The following CLDN16 variants were observed in gnomAD, a reference collection of about 807,000 sequenced individuals.
CLDN16 encodes the protein claudin-16.
A neutral mutation model predicts 24.6 loss-of-function variants in CLDN16; 13 were observed. The observed-to-expected ratio is 0.53, with a 90% CI of 0.34 to 0.84. The LOEUF (loss-of-function observed/expected upper bound fraction) is 0.84, where lower values mean the gene tolerates loss of function less well. Among genes scored for constraint, CLDN16 ranks in the 40% least tolerant of loss-of-function variants. The pLI is 0.01. For synonymous variants in CLDN16, 116 were observed against 106.7 expected, an observed-to-expected ratio of 1.09 and a Z score of -0.54; for missense variants, 298 against 292.7, an observed-to-expected ratio of 1.02 and a Z score of -0.13.
chr3:190,314,321 T>A, the CLDN16 span, among the ~76,000 whole-genome samples: 1 of 152,190 alleles, frequency 6.6e-6, no homozygotes, highest in African/African-American at 2.4e-5. Flanking sequence ...TTTCTAAAAC[T>A]TCATTAAATC....
chr3:190,383,336 C>T (rs1291882826), upstream of CLDN16, among the ~76,000 whole-genome samples: 1 of 152,138 alleles, frequency 6.6e-6, no homozygotes, highest in Non-Finnish European at 1.5e-5. Flanking sequence ...AACAAGGCTT[C>T]AGTTCATCTG....
intron 1 of CLDN16, among the ~76,000 whole-genome samples, chr3:190,338,050 A>G (rs1160098562): frequency 1.3e-5 from 2 of 152,186 alleles, no homozygotes; most frequent in African/African-American, 4.8e-5. Context: ...ACCAACAGCC[A>G]TTACATGGTG....
chr3:190,328,982 A>T (rs1021594119), intron 1 of CLDN16, among the ~76,000 whole-genome samples: 19 of 152,174 alleles, frequency 1.2e-4, no homozygotes, highest in African/African-American at 4.1e-4. Flanking sequence ...ATTTGGTGCA[A>T]CATATGCATA....
intron 1 of CLDN16, among the ~76,000 whole-genome samples, chr3:190,342,050 G>C (rs114498414): frequency 0.039 from 5,953 of 152,206 alleles, 383 homozygotes; most frequent in African/African-American, 0.13. Flanking sequence ...AGCCATTCAA[G>C]AAATCTCCAG....
chr3:190,364,736 G>GCTGCCAGT (rs1468111788), intron 1 of CLDN16, among the ~76,000 whole-genome samples: 1 of 151,782 alleles, frequency 6.6e-6, no homozygotes, highest in African/African-American at 2.4e-5. Context: ...TCCACTCAAA[G>GCTGCCAGT]CTGCCAGTCT....
intron 1 of CLDN16, among the ~76,000 whole-genome samples, chr3:190,366,391 C>G (rs142767168): frequency 6.6e-6 from 1 of 152,006 alleles, no homozygotes; most frequent in African/African-American, 2.4e-5. Context: ...ACAGGGTCTT[C>G]ATTTCCAGCT....
chr3:190,333,212 G>A (rs900033552), intron 1 of CLDN16, among the ~76,000 whole-genome samples: 6 of 152,192 alleles, frequency 3.9e-5, no homozygotes, highest in African/African-American at 1.2e-4. Flanking sequence ...ATAAAATTAG[G>A]TAATTTCATT....
chr3:190,334,943 C>T (rs1487845700), intron 1 of CLDN16, among the ~76,000 whole-genome samples: 2 of 151,754 alleles, frequency 1.3e-5, no homozygotes, highest in African/African-American at 4.8e-5. Flanking sequence ...CTCCAGAGCT[C>T]GTTGTGGGTT....
chr3:190,400,348 C>G (rs1224224029), intron 1 of CLDN16, among the ~76,000 whole-genome samples: 1 of 152,016 alleles, frequency 6.6e-6, no homozygotes, highest in African/African-American at 2.4e-5. Flanking sequence ...AAGCGATGCT[C>G]CTGCCTCCCG....
At chr3:190,313,217 A>G in the CLDN16 span, 1 of 615,512 alleles carries the variant, frequency 1.6e-6, no homozygotes, top group Non-Finnish European at 2.8e-6. Flanking sequence ...CTCCAGAAAA[A>G]CAAATGCCAG....
intron 1 of CLDN16, among the ~76,000 whole-genome samples, chr3:190,352,110 A>G (rs1717682593): frequency 1.3e-5 from 2 of 151,830 alleles, no homozygotes; most frequent in South Asian, 4.1e-4. Flanking sequence ...TCTAAATATT[A>G]TTTGTCTGAA....
upstream of CLDN16, among the ~76,000 whole-genome samples, chr3:190,383,791 TACAC>T (rs1473097071): frequency 2.0e-5 from 3 of 152,178 alleles, no homozygotes; most frequent in African/African-American, 7.2e-5. Context: ...TAGATATACA[TACAC>T]ACACATACAT....
intron 3 of CLDN16, 33 bp downstream of exon 3, chr3:190,404,959 G>A: frequency 6.2e-7 from 1 of 1,608,090 alleles, no homozygotes; most frequent in Non-Finnish European, 8.5e-7. Context: ...AACAGGGGTA[G>A]GGAGACTCTG....
At chr3:190,366,346 A>G (rs1285446362) in intron 1 of CLDN16, among the ~76,000 whole-genome samples, 1 of 151,950 alleles carries the variant, frequency 6.6e-6, no homozygotes, top group Non-Finnish European at 1.5e-5. Context: ...CTGACACAGC[A>G]TGCCAACGCT....
At chr3:190,342,017 A>T (rs1717449448) in intron 1 of CLDN16, among the ~76,000 whole-genome samples, 1 of 152,190 alleles carries the variant, frequency 6.6e-6, no homozygotes. Context: ...TATTTTCCAT[A>T]TCACTATCAG....
chr3:190,389,582 G>A (rs967341970), intron 1 of CLDN16, among the ~76,000 whole-genome samples: 2 of 152,158 alleles, frequency 1.3e-5, no homozygotes, highest in Non-Finnish European at 2.9e-5. Flanking sequence ...AACCAATGGA[G>A]TTAGGAATAC....
intron 1 of CLDN16, among the ~76,000 whole-genome samples, chr3:190,349,477 T>C (rs982883559): frequency 2.0e-5 from 3 of 152,186 alleles, no homozygotes; most frequent in African/African-American, 7.2e-5. Context: ...GGTAGGTATT[T>C]ATAGCAGTGC....
rs58465741 is a variant in CLDN16 at position 190,393,747 on chromosome 3, C to CTT, written c.114+5324_114+5325dup. 4.4e-3 allele frequency among the ~76,000 whole-genome samples: 506 copies of CTT among 115,198 alleles called. 7 individuals carry two copies. The highest frequency in any genetic ancestry group is 0.013 in the East Asian group (49 of 3,878). 75.6% of individuals were successfully genotyped at this position (115,198 alleles called of 152,430 possible). On this transcript the variant is annotated intron_variant, in intron 1 of 4. Transcript: ENST00000264734. ...TTCCTCCTCTAAAGCTGTCATTTGC[C>CTT]TTTTTTTTTTTTTTTTTTTTTAAAT...
At chr3:190,388,489 T>G in intron 1 of CLDN16, 46 bp downstream of exon 1, 1 of 1,553,070 alleles carries the variant, frequency 6.4e-7, no homozygotes, top group Non-Finnish European at 8.9e-7. Flanking sequence ...CAGCCCAAAT[T>G]TTCGCTAAGT....
Sources: allele counts gnomAD v4.1 joint callset (sites outside exome capture counted in the v4.1 genomes callset), GRCh38; gene constraint gnomAD v4.1.1; transcripts MANE v1.5; gene names NCBI Gene and HGNC (gene_info 2026-07-23, HGNC 2026-07-21).